C5orf52: variants seen among roughly 807,000 people sequenced by gnomAD.
C5orf52 encodes uncharacterized protein C5orf52.
C5orf52 carries 15 observed loss-of-function variants against 16.8 expected under a neutral mutation model. The ratio of observed to expected loss-of-function variants is 0.89; its 90% confidence interval spans 0.60 to 1.38. The LOEUF (loss-of-function observed/expected upper bound fraction) is 1.38, where lower values mean the gene tolerates loss of function less well. Ranked by LOEUF, C5orf52 falls within the 40% of genes most tolerant of loss-of-function variation. C5orf52 has a pLI of 0.00. For missense variants in C5orf52, 206 were observed against 213.1 expected, an observed-to-expected ratio of 0.97 and a Z score of 0.21; for synonymous variants, 83 against 87.2, an observed-to-expected ratio of 0.95 and a Z score of 0.27.
intron 1 of C5orf52, among the ~76,000 whole-genome samples, chr5:157,674,755 A>G (rs995175275): frequency 2.6e-5 from 4 of 152,026 alleles, no homozygotes; most frequent in African/African-American, 9.7e-5. Flanking sequence ...GACAGAGTGA[A>G]ACTCCGCCTC....
chr5:157,679,075 A>C (rs972253271), intron 2 of C5orf52, among the ~76,000 whole-genome samples: 8 of 151,766 alleles, frequency 5.3e-5, no homozygotes, highest in Admixed American at 4.6e-4. Context: ...CAGAGCTTGC[A>C]GTGAGCTGAG....
At chr5:157,673,998 G>A (rs1039244423) in intron 1 of C5orf52, among the ~76,000 whole-genome samples, 1 of 152,126 alleles carries the variant, frequency 6.6e-6, no homozygotes, top group African/African-American at 2.4e-5. Flanking sequence ...ATGTTCATAA[G>A]ACTACTTCGT....
intron 2 of C5orf52, among the ~76,000 whole-genome samples, chr5:157,679,361 G>A (rs1471232541): frequency 2.0e-5 from 3 of 152,154 alleles, no homozygotes; most frequent in Admixed American, 2.0e-4. Context: ...GTGTGAGACA[G>A]AGTCTCACTC....
At chr5:157,673,349 A>G (rs1156834111) in intron 1 of C5orf52, among the ~76,000 whole-genome samples, 1 of 114,992 alleles carries the variant, frequency 8.7e-6, no homozygotes, top group Non-Finnish European at 1.6e-5. Context: ...AGAAATAAAA[A>G]TAAAATAAAA....
At chr5:157,673,686 C>T (rs1171756956) in intron 1 of C5orf52, among the ~76,000 whole-genome samples, 2 of 151,356 alleles carry the variant, frequency 1.3e-5, no homozygotes, top group East Asian at 1.9e-4. Flanking sequence ...CTCACTCTGT[C>T]GCCCAGGCTG....
intron 1 of C5orf52, among the ~76,000 whole-genome samples, chr5:157,673,965 T>C (rs1032927217): frequency 1.3e-5 from 2 of 152,194 alleles, no homozygotes; most frequent in African/African-American, 4.8e-5. Context: ...TATTTTTAAA[T>C]GGACAAAACC....
At chr5:157,675,746 T>TCCTGCCTCAGCCTCCCAATAGC (rs1759882031) in intron 2 of C5orf52, among the ~76,000 whole-genome samples, 1 of 152,204 alleles carries the variant, frequency 6.6e-6, no homozygotes, top group Non-Finnish European at 1.5e-5. Flanking sequence ...AACCAAAGTC[T>TCCTGCCTCAGCCTCCCAATAGC]TGGGTCCTAG....
intron 1 of C5orf52, among the ~76,000 whole-genome samples, chr5:157,673,633 TAGAA>T (rs986142681): frequency 6.6e-6 from 1 of 152,140 alleles, no homozygotes; most frequent in Non-Finnish European, 1.5e-5. Context: ...TTCCACATTT[TAGAA>T]AGAAAATATG....
Position 157,671,897 on chromosome 5 carries a change from C to G in C5orf52, c.212+71C>G, listed in dbSNP as rs1218764942. ...GAGGGAACCCTAACTCTTTGGGACT[C>G]GCGCTCCCCTTAGCCGGACCCCGGC... On this transcript the variant is annotated intron_variant, in intron 1 of 2. Coordinates refer to ENST00000409999, the MANE Select transcript of C5orf52 (RefSeq NM_001145132.2). 3 of 1,065,572 alleles carry G rather than the reference C, an allele frequency of 2.8e-6. No individual in the cohort carries two copies. In the African/African-American group the frequency reaches 4.8e-5, roughly 17 times the overall value. The allele number at this position is 1,065,572 out of a possible 1,614,324, so 66.0% of individuals were successfully genotyped here.
upstream of C5orf52, chr5:157,671,456 C>G (rs1169440022): frequency 1.3e-5 from 8 of 627,166 alleles, no homozygotes; most frequent in Non-Finnish European, 2.3e-5. Context: ...CCAACAGCCC[C>G]CGTCCCCTTC....
intron 2 of C5orf52, among the ~76,000 whole-genome samples, chr5:157,675,765 T>C (rs1015003791): frequency 6.6e-6 from 1 of 152,224 alleles, no homozygotes; most frequent in East Asian, 1.9e-4. Flanking sequence ...AGAGTTTGAA[T>C]GGGCCTCAAC....
intron 2 of C5orf52, among the ~76,000 whole-genome samples, chr5:157,676,479 T>A (rs1759896275): frequency 6.6e-6 from 1 of 152,166 alleles, no homozygotes; most frequent in Admixed American, 6.6e-5. Flanking sequence ...CCTTAAGAGA[T>A]GGTGCCAGAT....
In C5orf52 at chr5:157,675,170, C is replaced by T. The variant is rs1195666186; in HGVS notation, c.291C>T (p.Asn97=). The change falls in exon 2 of 3, where the codon AAC becomes AAT. Residue 97 remains asparagine (N), a synonymous_variant. Coordinates refer to ENST00000409999, the MANE Select transcript of C5orf52 (RefSeq NM_001145132.2). ...TATCTCGGGTGATTATTCATGATAA[C>T]CGCATCACACAACGAATCTATGAGA... is the stretch of plus-strand genomic sequence containing the variant. ...SHLSRVIIHD[N]RITQRIYEME... is the part of the protein sequence containing the mutation. The T allele has an allele frequency of 3.9e-6, 6 of 1,550,544 alleles. No individual in the cohort carries two copies. Among genetic ancestry groups the T allele is most frequent in the East Asian group, 2.4e-5 (1 of 40,936 alleles).
chr5:157,675,031 T>G, intron 1 of C5orf52, 61 bp from the exon 2 acceptor site: 1 of 1,099,296 alleles, frequency 9.1e-7, no homozygotes, highest in East Asian at 2.6e-5. Context: ...CCCCATCAAA[T>G]GTGCTCTGGC....
At chr5:157,679,178 C>G (rs77213903) in intron 2 of C5orf52, among the ~76,000 whole-genome samples, 25,543 of 151,968 alleles carry the variant, frequency 0.17, 2,427 homozygotes, top group African/African-American at 0.26. Flanking sequence ...TGTCTTACAT[C>G]CTGACTACAT....
At chr5:157,677,865 T>C (rs1759932423) in intron 2 of C5orf52, among the ~76,000 whole-genome samples, 1 of 151,992 alleles carries the variant, frequency 6.6e-6, no homozygotes, top group South Asian at 2.1e-4. Context: ...AAGCCTGTAA[T>C]CTCAGATACT....
At chr5:157,672,113 GC>G (rs1454823938) in intron 1 of C5orf52, among the ~76,000 whole-genome samples, 2 of 152,138 alleles carry the variant, frequency 1.3e-5, no homozygotes, top group Admixed American at 6.5e-5. Context: ...ATCGGTCCTG[GC>G]CCGTCAGTCC....
chr5:157,676,484 C>G (rs1759896365), intron 2 of C5orf52, among the ~76,000 whole-genome samples: 1 of 152,138 alleles, frequency 6.6e-6, no homozygotes, highest in Non-Finnish European at 1.5e-5. Context: ...AGAGATGGTG[C>G]CAGATCCTCT....
chr5:157,672,559 A>AACAAC (rs1561594402), intron 1 of C5orf52, among the ~76,000 whole-genome samples: 7 of 151,794 alleles, frequency 4.6e-5, no homozygotes, highest in Middle Eastern at 3.4e-3. Flanking sequence ...ACAACAACAA[A>AACAAC]AAAAAACCAG....
Sources: allele counts gnomAD v4.1 joint callset (sites outside exome capture counted in the v4.1 genomes callset), GRCh38; gene constraint gnomAD v4.1.1; transcripts MANE v1.5; gene names NCBI Gene and HGNC (gene_info 2026-07-23, HGNC 2026-07-21).